Variants in MSMB observed in about 807,000 individuals in gnomAD.
MSMB encodes the protein beta-microseminoprotein.
In MSMB, 10 loss-of-function variants were observed where a neutral mutation model predicts 10.5. The ratio of observed to expected loss-of-function variants is 0.95; its 90% CI spans 0.59 to 1.62. The LOEUF (loss-of-function observed/expected upper bound fraction) is 1.62. Among genes scored for constraint, MSMB ranks in the 40% most tolerant of loss-of-function variants. MSMB has a pLI of 0.00. For synonymous variants in MSMB, 43 were observed against 46.5 expected (o/e 0.93, Z 0.30); for missense variants, 126 against 137.4 (o/e 0.92, Z 0.42).
chr10:46,037,207 T>G (rs554702364), intron 3 of MSMB, among the ~76,000 whole-genome samples: 1 of 152,354 alleles, frequency 6.6e-6, no homozygotes, highest in East Asian at 1.9e-4. Context: ...TCGAGGCACC[T>G]GTTAAAATTC....
intron 2 of MSMB, 116 bp downstream of exon 2, chr10:46,039,870 T>C (rs1185749565): frequency 1.3e-6 from 1 of 754,900 alleles, no homozygotes; most frequent in Non-Finnish European, 2.2e-6. Flanking sequence ...AGACAGAGCA[T>C]GACTATCTCA....
intron 2 of MSMB, among the ~76,000 whole-genome samples, chr10:46,039,706 G>T (rs1840699115): frequency 6.6e-6 from 1 of 152,094 alleles, no homozygotes; most frequent in Admixed American, 6.5e-5. Context: ...ACGTGGCAAA[G>T]CCCCATCTTT....
intron 1 of MSMB, among the ~76,000 whole-genome samples, chr10:46,043,558 G>T (rs1029169043): frequency 2.0e-5 from 3 of 152,134 alleles, no homozygotes; most frequent in Admixed American, 1.3e-4. Flanking sequence ...AGGAGCCAGT[G>T]CCTCAGTGTC....
rs372744228 is a variant in MSMB, at chr10:46,038,961, C to T, written c.215+5G>A. 3.7e-6 allele frequency: 6 copies of T among 1,612,776 alleles called. No homozygotes were observed. In the African/African-American group the frequency reaches 6.7e-5, roughly 18 times the overall value. ...CCTCTTGGCCAGCACTGGCTTGAGA[C>T]TTACAGGGTGCAACATGAAATTTCT... On this transcript the variant is annotated splice_donor_5th_base_variant and intron_variant, in intron 3 of 3. Transcript: ENST00000582163.
intron 1 of MSMB, among the ~76,000 whole-genome samples, chr10:46,044,501 G>A (rs1302718643): frequency 6.7e-6 from 1 of 150,036 alleles, no homozygotes; most frequent in South Asian, 2.1e-4. Context: ...GCGTGAACCC[G>A]GGAGGTGGAG....
rs561104892 is a variant in MSMB at position 46,046,165 on chromosome 10, C to T, written c.3+70G>A. ...TTCAATGCTATGTGGTAGAAGCACA[C>T]GCATATTAAAATAGGAATACATATT... is the stretch of plus-strand genomic sequence containing the variant. On this transcript the variant is annotated intron_variant, in intron 1 of 3. Transcript: ENST00000582163. 1,739 of 1,457,650 alleles carry T rather than the reference C, an allele frequency of 1.2e-3. 33 individuals are homozygous for T. The South Asian group carries it at 0.018, about 15-fold the overall frequency. The allele number at this position is 1,457,650 out of a possible 1,614,324, so 90.3% of individuals were successfully genotyped here.
At chr10:46,046,088 A>C (rs1840889481) in intron 1 of MSMB, 147 bp downstream of exon 1, 1 of 817,636 alleles carries the variant, frequency 1.2e-6, no homozygotes, top group East Asian at 2.4e-5. Context: ...CATACTCTGC[A>C]CATTGAATTG....
chr10:46,042,695 A>C (rs1304057441), intron 1 of MSMB, among the ~76,000 whole-genome samples: 2 of 152,204 alleles, frequency 1.3e-5, no homozygotes, highest in Non-Finnish European at 2.9e-5. Flanking sequence ...GTGACTCAGA[A>C]AAACACCTGG....
chr10:46,040,959 A>C (rs112829437), intron 1 of MSMB, among the ~76,000 whole-genome samples: 5,291 of 152,062 alleles, frequency 0.035, 329 homozygotes, highest in African/African-American at 0.12. Context: ...GTCTCAAAAA[A>C]AAAAAAAGCC....
At position 46,033,404 on chromosome 10, in the gene MSMB, G is replaced by A. The variant is rs11552111; in HGVS notation, c.*18C>T. ...GAATGAGGCCTGGCCTGGGAGCCCTGTGCCTACTAGAAGCACATTAGATTA... is the reference window on the plus strand; with the variant it reads ...GAATGAGGCCTGGCCTGGGAGCCCTATGCCTACTAGAAGCACATTAGATTA... On this transcript the variant is annotated 3_prime_UTR_variant, in exon 4 of 4. Transcript: ENST00000582163. 1 of 1,612,758 alleles carries A rather than the reference G, an allele frequency of 6.2e-7. No homozygotes were observed. Among genetic ancestry groups the A allele is most frequent in the Non-Finnish European group, 8.5e-7 (1 of 1,179,012 alleles).
chr10:46,044,573 C>CAAAAAAA (rs1840845307), intron 1 of MSMB, among the ~76,000 whole-genome samples: 1 of 23,316 alleles, frequency 4.3e-5, no homozygotes, highest in Non-Finnish European at 6.6e-5. Flanking sequence ...GACTCCGTCT[C>CAAAAAAA]AGAAAAAAAA....
At chr10:46,038,466 T>C (rs1840665370) in intron 3 of MSMB, among the ~76,000 whole-genome samples, 1 of 152,220 alleles carries the variant, frequency 6.6e-6, no homozygotes, top group Non-Finnish European at 1.5e-5. Flanking sequence ...TTTTTTGGTA[T>C]TTTTAGTAGA....
chr10:46,039,957 A>G (rs1554928194), intron 2 of MSMB, 29 bp downstream of exon 2: 2 of 1,543,846 alleles, frequency 1.3e-6, no homozygotes, highest in Admixed American at 3.3e-5. Context: ...CTGCAATAAC[A>G]TAATAAACAT....
At chr10:46,040,692 C>T (rs782588704) in intron 1 of MSMB, among the ~76,000 whole-genome samples, 22 of 152,314 alleles carry the variant, frequency 1.4e-4, no homozygotes, top group African/African-American at 2.2e-4. Flanking sequence ...CGGTGGCTCA[C>T]GCCTGTGATC....
At chr10:46,039,217 C>T in intron 2 of MSMB, 146 bp from the exon 3 acceptor site, 1 of 686,728 alleles carries the variant, frequency 1.5e-6, no homozygotes, top group Non-Finnish European at 2.6e-6. Flanking sequence ...AATGGTGCTC[C>T]TGTATTCACC....
At chr10:46,038,055 G>A (rs946845171) in intron 3 of MSMB, among the ~76,000 whole-genome samples, 1 of 152,134 alleles carries the variant, frequency 6.6e-6, no homozygotes, top group Non-Finnish European at 1.5e-5. Context: ...CTTATATGAG[G>A]GACCTAGAGT....
In MSMB at chr10:46,042,402, A is replaced by T. The variant is rs188364796; in HGVS notation, c.4-2311T>A. On this transcript the variant is annotated intron_variant, in intron 1 of 3. Coordinates refer to ENST00000582163, the MANE Select transcript of MSMB (RefSeq NM_002443.4). ...GAAGCATAATGGGATGGTGAGAATA[A>T]TCATTTAATTTATAATACCCAGAGG... is the stretch of plus-strand genomic sequence containing the variant. Among the ~76,000 whole-genome samples the T allele has an allele frequency of 5.1e-4, 78 of 152,366 alleles. 1 individual carries two copies. The East Asian group carries it at 0.011, about 21-fold the overall frequency.
chr10:46,045,117 T>C (rs1404720953), intron 1 of MSMB, among the ~76,000 whole-genome samples: 4 of 152,134 alleles, frequency 2.6e-5, no homozygotes, highest in Non-Finnish European at 4.4e-5. Context: ...TCTTGCCTCA[T>C]CTCCCTTGCA....
intron 1 of MSMB, among the ~76,000 whole-genome samples, chr10:46,045,361 AT>A (rs1840869342): frequency 6.6e-6 from 1 of 151,934 alleles, no homozygotes. Flanking sequence ...GCAAAATCCT[AT>A]CTCTAAAACA....
Sources: allele counts gnomAD v4.1 joint callset (sites outside exome capture counted in the v4.1 genomes callset), GRCh38; gene constraint gnomAD v4.1.1; transcripts MANE v1.5; gene names NCBI Gene and HGNC (gene_info 2026-07-23, HGNC 2026-07-21).